LYPLA1: variants seen among roughly 807,000 people sequenced by gnomAD.
LYPLA1 encodes the protein acyl-protein thioesterase 1.
A neutral mutation model predicts 34.0 loss-of-function variants in LYPLA1; 17 were observed. The observed-to-expected ratio is 0.50, with a 90% CI of 0.34 to 0.75. The LOEUF is 0.75. Ranked by LOEUF, LYPLA1 falls within the 30% of genes least tolerant of loss-of-function variation. LYPLA1 has a pLI of 0.01. For missense variants in LYPLA1, 203 were observed against 288.8 expected, an observed-to-expected ratio of 0.70 and a Z score of 2.15; for synonymous variants, 98 against 100.8, an observed-to-expected ratio of 0.97 and a Z score of 0.17.
chr8:54,085,073 G>C (rs897324702), intron 2 of LYPLA1, among the ~76,000 whole-genome samples: 1 of 152,050 alleles, frequency 6.6e-6, no homozygotes, highest in Admixed American at 6.6e-5. Context: ...CTGTACTGCC[G>C]CCATCTCGGC....
At chr8:54,063,011 G>A (rs1351406661) in intron 4 of LYPLA1, among the ~76,000 whole-genome samples, 1 of 152,070 alleles carries the variant, frequency 6.6e-6, no homozygotes, top group African/African-American at 2.4e-5. Flanking sequence ...GCAAGAAATT[G>A]GAAAGATGAA....
At chr8:54,089,500 G>GGA (rs1809057645) in intron 2 of LYPLA1, among the ~76,000 whole-genome samples, 1 of 142,904 alleles carries the variant, frequency 7.0e-6, no homozygotes, top group South Asian at 2.2e-4. Context: ...CCTGGGGGGG[G>GGA]GCGGGATCTT....
chr8:54,059,513 C>A lies in LYPLA1; in HGVS notation c.286+2741G>T, dbSNP rs1312125246. On this transcript the variant is annotated intron_variant, in intron 5 of 8. Coordinates refer to ENST00000316963, the MANE Select transcript of LYPLA1 (RefSeq NM_006330.4). ...TAGAGACGGGGTTTCACCTTGTTAGCCAGGATGGTCTCGATCTCCTGACCT... is the reference window on the plus strand; with the variant it reads ...TAGAGACGGGGTTTCACCTTGTTAGACAGGATGGTCTCGATCTCCTGACCT... Among the ~76,000 whole-genome samples the A allele has an allele frequency of 1.5e-5, 2 of 129,066 alleles. 1 individual carries two copies. The highest frequency in any genetic ancestry group is 7.1e-5 in the African/African-American group (2 of 28,340). 84.7% of individuals were successfully genotyped at this position (129,066 alleles called of 152,430 possible).
chr8:54,095,084 A>G (rs1480841787), intron 2 of LYPLA1, among the ~76,000 whole-genome samples: 2 of 151,812 alleles, frequency 1.3e-5, no homozygotes, highest in Non-Finnish European at 2.9e-5. Flanking sequence ...GCTGGAGTAC[A>G]GTGGCACCAT....
intron 5 of LYPLA1, among the ~76,000 whole-genome samples, chr8:54,060,682 TTTC>T (rs1268258641): frequency 6.6e-6 from 1 of 150,406 alleles, no homozygotes; most frequent in Non-Finnish European, 1.5e-5. Flanking sequence ...TAACAACTTT[TTTC>T]TTCCTTTTTT....
downstream of LYPLA1, among the ~76,000 whole-genome samples, chr8:54,045,288 T>C (rs2060362095): frequency 1.3e-5 from 2 of 152,258 alleles, no homozygotes; most frequent in Non-Finnish European, 1.5e-5. Flanking sequence ...AAACTATTTA[T>C]ACTTTCAAAA....
At chr8:54,062,357 G>A in intron 4 of LYPLA1, 33 bp from the exon 5 acceptor site, 1 of 1,415,892 alleles carries the variant, frequency 7.1e-7, no homozygotes, top group Non-Finnish European at 9.8e-7. Flanking sequence ...TTGATTCTAA[G>A]AAAAATCTAT....
rs568086359 is a variant in LYPLA1, at chr8:54,075,485, T to C, written c.102-9672A>G. 8.4e-4 allele frequency among the ~76,000 whole-genome samples: 128 copies of C among 152,262 alleles called. 1 individual carries two copies. The highest frequency in any genetic ancestry group is 2.8e-3 in the African/African-American group (117 of 41,566). On this transcript the variant is annotated intron_variant, in intron 2 of 8. Coordinates refer to ENST00000316963, the MANE Select transcript of LYPLA1 (RefSeq NM_006330.4). ...ACGCTGAGGAGGATCCCAACTGTCA[T>C]GAGCAACACCCGAACAGAGCCACCC...
chr8:54,090,612 A>G (rs1008680637), intron 2 of LYPLA1, among the ~76,000 whole-genome samples: 1 of 152,186 alleles, frequency 6.6e-6, no homozygotes, highest in Non-Finnish European at 1.5e-5. Context: ...AAATGCTGGT[A>G]TATCCAGTGC....
chr8:54,085,783 C>G (rs868019545), intron 2 of LYPLA1, among the ~76,000 whole-genome samples: 3,849 of 131,186 alleles, frequency 0.029, 85 homozygotes, highest in African/African-American at 0.054. Context: ...GCCCCCACCC[C>G]GGCCAGCCGC....
chr8:54,078,887 C>CTTTT (rs745516578), intron 2 of LYPLA1, among the ~76,000 whole-genome samples: 1,858 of 149,124 alleles, frequency 0.012, 33 homozygotes, highest in African/African-American at 0.042. Context: ...AACCCCCCCC[C>CTTTT]TTTTTTTTTG....
intron 4 of LYPLA1, among the ~76,000 whole-genome samples, chr8:54,062,622 C>T (rs1806738898): frequency 6.6e-6 from 1 of 152,180 alleles, no homozygotes; most frequent in Non-Finnish European, 1.5e-5. Context: ...AGCAATTCTC[C>T]TGTGTCAGCC....
At chr8:54,091,555 A>AAAGG (rs138364513) in intron 2 of LYPLA1, among the ~76,000 whole-genome samples, 4,727 of 139,958 alleles carry the variant, frequency 0.034, 358 homozygotes, top group African/African-American at 0.11. Flanking sequence ...AGAAAAGAAG[A>AAAGG]AAGGAAGGAA....
At chr8:54,083,271 C>T (rs1055460374) in intron 2 of LYPLA1, among the ~76,000 whole-genome samples, 5 of 152,034 alleles carry the variant, frequency 3.3e-5, no homozygotes, top group African/African-American at 7.3e-5. Context: ...TAACAGGTAG[C>T]CCATAAGAAC....
At chr8:54,101,213 C>T in intron 1 of LYPLA1, 1 of 609,442 alleles carries the variant, frequency 1.6e-6, no homozygotes, top group Non-Finnish European at 2.4e-6. Flanking sequence ...CTAAGAAAAA[C>T]AGTTTATCTC....
At chr8:54,078,308 A>G (rs1162276534) in intron 2 of LYPLA1, among the ~76,000 whole-genome samples, 1 of 152,136 alleles carries the variant, frequency 6.6e-6, no homozygotes. Flanking sequence ...TACAATTTTC[A>G]AAATAATTTT....
At position 54,046,544 on chromosome 8, in the gene LYPLA1, A is replaced by T. The variant is rs182862441; in HGVS notation, c.*1521T>A. 4.6e-5 allele frequency: 7 copies of T among 152,768 alleles called. No individual in the cohort carries two copies. In the East Asian group the frequency reaches 1.3e-3, roughly 29 times the overall value. 9.5% of individuals were successfully genotyped at this position (152,768 alleles called of 1,614,324 possible). On this transcript the variant is annotated 3_prime_UTR_variant, in exon 9 of 9. Transcript: ENST00000316963. ...GTTCTTCAAGGTAAAGAAAAATGAC[A>T]TAGTAAATGATTGTTTAAAATTTTT...
At chr8:54,058,616 G>GTCTCTC (rs113146082) in intron 5 of LYPLA1, among the ~76,000 whole-genome samples, 1 of 148,782 alleles carries the variant, frequency 6.7e-6, no homozygotes, top group Non-Finnish European at 1.5e-5. Flanking sequence ...CTCTGTCTCT[G>GTCTCTC]TCTCTCTCTC....
rs1453794687 is a variant in LYPLA1, at chr8:54,062,227, G to A, written c.286+27C>T. On this transcript the variant is annotated intron_variant, in intron 5 of 8. Transcript: ENST00000316963. Reference sequence around the variant, plus strand: ...ACTAAAAACATTTAAGAACACTTTTGGCTTTATAAACATTTTCTGTACTTA... The same window carrying A: ...ACTAAAAACATTTAAGAACACTTTTAGCTTTATAAACATTTTCTGTACTTA... 9 of 1,454,612 alleles carry A rather than the reference G, an allele frequency of 6.2e-6. No homozygotes were observed. In the East Asian group the frequency reaches 1.2e-4, roughly 19 times the overall value. The allele number at this position is 1,454,612 out of a possible 1,614,324, so 90.1% of individuals were successfully genotyped here.
Sources: gnomAD v4.1 joint callset for allele counts (sites outside exome capture counted in the v4.1 genomes callset) on GRCh38, gnomAD v4.1.1 for gene constraint, MANE v1.5 for transcripts, NCBI Gene and HGNC (gene_info 2026-07-23, HGNC 2026-07-21) for gene names.